The following CSMD1 variants were observed in gnomAD, a reference collection of about 807,000 sequenced individuals.
The protein encoded by CSMD1 is CUB and sushi domain-containing protein 1.
A neutral mutation model predicts 417.5 loss-of-function variants in CSMD1; 213 were observed. That is an observed-to-expected ratio of 0.51 (90% confidence interval 0.46 to 0.57). CSMD1 has a LOEUF of 0.57. Ranked by LOEUF, CSMD1 falls within the 20% of genes least tolerant of loss-of-function variation. CSMD1 has a pLI of 0.00. For synonymous variants in CSMD1, 2,862 were observed against 1,736.8 expected (o/e 1.65, Z -16.11); for missense variants, 6,923 against 4,529.7 (o/e 1.53, Z -15.17).
At chr8:4,573,345 T>C (rs1408545617) in intron 2 of CSMD1, among the ~76,000 whole-genome samples, 3 of 152,186 alleles carry the variant, frequency 2.0e-5, no homozygotes, top group Admixed American at 6.5e-5. Context: ...TATTCCTCTC[T>C]GCTTGTTAGT....
At chr8:3,231,842 T>A (rs1798858303) in intron 26 of CSMD1, among the ~76,000 whole-genome samples, 1 of 152,146 alleles carries the variant, frequency 6.6e-6, no homozygotes, top group Admixed American at 6.5e-5. Flanking sequence ...AGCTAACAAA[T>A]CAGTAAAAAT....
intron 8 of CSMD1, among the ~76,000 whole-genome samples, chr8:3,609,423 C>T (rs1283100726): frequency 1.3e-5 from 2 of 152,188 alleles, no homozygotes; most frequent in Middle Eastern, 3.2e-3. Flanking sequence ...AAACTGTCCC[C>T]AAACTGACTT....
At chr8:4,353,055 G>C (rs1051171795) in intron 3 of CSMD1, among the ~76,000 whole-genome samples, 4 of 152,176 alleles carry the variant, frequency 2.6e-5, no homozygotes, top group East Asian at 3.8e-4. Flanking sequence ...ATTGTAGAAA[G>C]AGTAAAATCA....
intron 3 of CSMD1, among the ~76,000 whole-genome samples, chr8:4,140,974 G>T (rs1025063292): frequency 1.3e-5 from 2 of 151,160 alleles, no homozygotes; most frequent in African/African-American, 4.9e-5. Flanking sequence ...TAAATGGGAA[G>T]AAAACATAAA....
intron 5 of CSMD1, among the ~76,000 whole-genome samples, chr8:3,782,288 A>C (rs1799224856): frequency 6.6e-6 from 1 of 152,178 alleles, no homozygotes. Flanking sequence ...TGACTTGCTT[A>C]TATATTTCCA....
chr8:3,953,204 C>T (rs151213224), intron 5 of CSMD1, among the ~76,000 whole-genome samples: 2,393 of 151,912 alleles, frequency 0.016, 57 homozygotes, highest in African/African-American at 0.054. Flanking sequence ...GCACTATAAA[C>T]ATTATAGGAT....
rs376578772 is a variant in CSMD1, at chr8:4,619,727, T to G, written c.302+17615A>C. Among the ~76,000 whole-genome samples the G allele has an allele frequency of 1.1e-4, 16 of 152,298 alleles. No homozygotes were observed. The East Asian group carries it at 2.5e-3, about 24-fold the overall frequency. ...ATTGTTGACCTGATTTAATAGTATG[T>G]GTTCTTTGTTTTCTGAAGAGGAAGA... is the stretch of plus-strand genomic sequence containing the variant. On this transcript the variant is annotated intron_variant, in intron 2 of 69. Coordinates refer to ENST00000635120, the MANE Select transcript of CSMD1 (RefSeq NM_033225.6).
chr8:4,941,658 C>T (rs1808011626), intron 1 of CSMD1, among the ~76,000 whole-genome samples: 1 of 151,360 alleles, frequency 6.6e-6, no homozygotes, highest in Non-Finnish European at 1.5e-5. Flanking sequence ...GGGTACAGTA[C>T]CACAATCACA....
intron 1 of CSMD1, among the ~76,000 whole-genome samples, chr8:4,761,315 A>C (rs938429883): frequency 1.3e-5 from 2 of 152,058 alleles, no homozygotes; most frequent in South Asian, 2.1e-4. Flanking sequence ...CAACTAATGG[A>C]AACAAAATGT....
intron 5 of CSMD1, among the ~76,000 whole-genome samples, chr8:3,864,871 A>G (rs865776981): frequency 1.3e-5 from 2 of 152,348 alleles, no homozygotes; most frequent in Middle Eastern, 3.4e-3. Context: ...CTAGAATTAA[A>G]TAATTAATTT....
intron 5 of CSMD1, among the ~76,000 whole-genome samples, chr8:3,926,102 C>CAAACACCAT (rs1197017795): frequency 2.3e-4 from 12 of 52,132 alleles, no homozygotes; most frequent in East Asian, 3.3e-3. Flanking sequence ...CACACACACA[C>CAAACACCAT]ACACACACAC....
At chr8:3,776,160 G>A (rs139427756) in intron 5 of CSMD1, among the ~76,000 whole-genome samples, 53 of 151,974 alleles carry the variant, frequency 3.5e-4, no homozygotes, top group African/African-American at 1.2e-3. Context: ...CACATCATAC[G>A]GATCCTACCT....
At chr8:4,809,526 C>A (rs1798778089) in intron 1 of CSMD1, among the ~76,000 whole-genome samples, 1 of 152,150 alleles carries the variant, frequency 6.6e-6, no homozygotes, top group Non-Finnish European at 1.5e-5. Flanking sequence ...AAGTTCTACT[C>A]TTCAGTAAAG....
chr8:4,073,979 C>G (rs1350941051), intron 3 of CSMD1, among the ~76,000 whole-genome samples: 1 of 151,994 alleles, frequency 6.6e-6, no homozygotes, highest in Non-Finnish European at 1.5e-5. Context: ...AAATCTTTGT[C>G]ATTGGCTTTG....
intron 2 of CSMD1, among the ~76,000 whole-genome samples, chr8:4,609,020 A>T (rs1801029438): frequency 6.6e-6 from 1 of 152,098 alleles, no homozygotes; most frequent in South Asian, 2.1e-4. Flanking sequence ...TAGAAAAAAA[A>T]AAAAAAAACA....
chr8:3,139,166 T>C (rs1018364097), intron 41 of CSMD1, among the ~76,000 whole-genome samples: 8 of 152,106 alleles, frequency 5.3e-5, no homozygotes, highest in Admixed American at 6.5e-5. Context: ...AAAACAAACA[T>C]TGTGTCCTGG....
At chr8:3,425,414 C>T (rs1457128911) in intron 12 of CSMD1, among the ~76,000 whole-genome samples, 1 of 151,626 alleles carries the variant, frequency 6.6e-6, no homozygotes. Flanking sequence ...ATGGTGAAAC[C>T]CTGTCTCTAC....
At chr8:4,377,827 T>C (rs1802852356) in intron 3 of CSMD1, among the ~76,000 whole-genome samples, 1 of 152,234 alleles carries the variant, frequency 6.6e-6, no homozygotes, top group Non-Finnish European at 1.5e-5. Flanking sequence ...TGTGTATAAA[T>C]ATTTTTGCCC....
intron 7 of CSMD1, among the ~76,000 whole-genome samples, chr8:3,624,609 G>A (rs1016958217): frequency 1.3e-5 from 2 of 152,092 alleles, no homozygotes; most frequent in African/African-American, 4.8e-5. Flanking sequence ...GTTTTTATCT[G>A]CATAACCATC....
Sources: allele counts gnomAD v4.1 joint callset (sites outside exome capture counted in the v4.1 genomes callset), GRCh38; gene constraint gnomAD v4.1.1; transcripts MANE v1.5; gene names NCBI Gene and HGNC (gene_info 2026-07-23, HGNC 2026-07-21).